Variants in TRPC4 observed in about 807,000 individuals in gnomAD.
The protein encoded by TRPC4 is transient receptor potential cation channel subfamily C member 4, also known as short transient receptor potential channel 4.
TRPC4 carries 49 observed loss-of-function variants against 99.4 expected under a neutral mutation model. That is an observed-to-expected ratio of 0.49 (90% CI 0.39 to 0.63). TRPC4 has a LOEUF of 0.63. Ranked by LOEUF, TRPC4 falls within the 20% of genes least tolerant of loss-of-function variation. The pLI, the probability that TRPC4 is intolerant of heterozygous loss-of-function variation, is 0.00. For missense variants in TRPC4, 898 were observed against 1,152.9 expected, an observed-to-expected ratio of 0.78 and a Z score of 3.20; for synonymous variants, 454 against 425.9, an observed-to-expected ratio of 1.07 and a Z score of -0.81.
intron 1 of TRPC4, among the ~76,000 whole-genome samples, chr13:37,847,234 T>C (rs1958931823): frequency 6.6e-6 from 1 of 152,078 alleles, no homozygotes; most frequent in African/African-American, 2.4e-5. Flanking sequence ...AGCAACAGGA[T>C]TCACATTCTT....
intron 1 of TRPC4, among the ~76,000 whole-genome samples, chr13:37,815,412 G>C (rs1349170925): frequency 6.6e-6 from 1 of 151,750 alleles, no homozygotes; most frequent in African/African-American, 2.4e-5. Context: ...TCTAAGTAAA[G>C]AGATGGAGAA....
At chr13:37,761,859 T>C (rs547740334) in intron 2 of TRPC4, among the ~76,000 whole-genome samples, 1 of 151,928 alleles carries the variant, frequency 6.6e-6, no homozygotes, top group African/African-American at 2.4e-5. Flanking sequence ...GCCGATTTTG[T>C]AAGTGTAGAT....
intron 1 of TRPC4, among the ~76,000 whole-genome samples, chr13:37,814,338 A>AG (rs1281642630): frequency 1.5e-5 from 2 of 136,646 alleles, no homozygotes; most frequent in African/African-American, 2.6e-5. Flanking sequence ...CAATTAGGTA[A>AG]GGGAAAAAAA....
intron 1 of TRPC4, among the ~76,000 whole-genome samples, chr13:37,842,039 G>A (rs1359792314): frequency 6.6e-6 from 1 of 152,032 alleles, no homozygotes; most frequent in Non-Finnish European, 1.5e-5. Flanking sequence ...GGAGGCCAAG[G>A]TGGGTGGATC....
Position 37,655,251 on chromosome 13 carries a change from G to T in TRPC4, c.1721C>A (p.Ser574Ter). 1 of 1,594,928 alleles carries T rather than the reference G, an allele frequency of 6.3e-7. No homozygotes were observed. The highest frequency in any genetic ancestry group is 1.1e-5 in the South Asian group (1 of 87,954). Residue 574 changes from serine (S) to a stop codon, truncating the protein, a stop_gained, in exon 7 of 11, where the codon TCA (serine) becomes TAA (stop). Coordinates refer to ENST00000379705, the MANE Select transcript of TRPC4 (RefSeq NM_016179.4). LOFTEE classifies it high-confidence loss of function. The stretch of plus-strand genomic sequence containing the variant: ...ATATAAATTGATGAGCCCAAATATT[G>T]ACCAAAACAGGGACTGCAGTGTCTC... ...LFETLQSLFW[S>*]IFGLINLYVT...
At chr13:37,853,252 AG>A (rs1193462903) in intron 1 of TRPC4, among the ~76,000 whole-genome samples, 2 of 152,206 alleles carry the variant, frequency 1.3e-5, no homozygotes, top group Admixed American at 6.5e-5. Context: ...GGGTCAGCCC[AG>A]AAAGAAAGAG....
chr13:37,863,906 T>C (rs1215819858), intron 1 of TRPC4, among the ~76,000 whole-genome samples: 2 of 151,700 alleles, frequency 1.3e-5, no homozygotes, highest in Non-Finnish European at 3.0e-5. Context: ...TCAGCACTAT[T>C]ATACTAATTC....
chr13:37,811,579 A>T (rs1957687562), intron 1 of TRPC4, among the ~76,000 whole-genome samples: 1 of 152,148 alleles, frequency 6.6e-6, no homozygotes, highest in South Asian at 2.1e-4. Flanking sequence ...AGAAGTGTGC[A>T]AAGGTTCAGA....
At chr13:37,678,489 G>A (rs1953131880) in intron 4 of TRPC4, among the ~76,000 whole-genome samples, 1 of 151,992 alleles carries the variant, frequency 6.6e-6, no homozygotes, top group Non-Finnish European at 1.5e-5. Flanking sequence ...ATACCTGGAT[G>A]CTCATACATT....
intron 2 of TRPC4, among the ~76,000 whole-genome samples, chr13:37,756,464 G>A (rs984002142): frequency 2.0e-5 from 3 of 151,764 alleles, no homozygotes; most frequent in Non-Finnish European, 2.9e-5. Flanking sequence ...TGGTGGATAA[G>A]AGAAAAGACT....
chr13:37,796,639 A>G (rs1957252817), intron 1 of TRPC4, among the ~76,000 whole-genome samples: 1 of 151,994 alleles, frequency 6.6e-6, no homozygotes, highest in African/African-American at 2.4e-5. Context: ...AAATATTAGT[A>G]CCTCAGATCT....
intron 1 of TRPC4, among the ~76,000 whole-genome samples, chr13:37,827,921 G>A (rs1343454544): frequency 6.6e-6 from 1 of 152,208 alleles, no homozygotes; most frequent in East Asian, 1.9e-4. Flanking sequence ...AGCAATCAGC[G>A]AGACTCCATG....
intron 2 of TRPC4, among the ~76,000 whole-genome samples, chr13:37,774,779 T>G (rs1227036406): frequency 6.6e-6 from 1 of 151,748 alleles, no homozygotes. Context: ...ATACTCATTT[T>G]GCCTGTAATC....
intron 4 of TRPC4, among the ~76,000 whole-genome samples, chr13:37,677,317 G>T (rs1953094368): frequency 6.6e-6 from 1 of 151,864 alleles, no homozygotes; most frequent in South Asian, 2.1e-4. Context: ...TAGCAATGGG[G>T]GTAGGTTTCC....
chr13:37,814,279 C>T (rs1400265597), intron 1 of TRPC4, among the ~76,000 whole-genome samples: 1 of 151,434 alleles, frequency 6.6e-6, no homozygotes, highest in Non-Finnish European at 1.5e-5. Flanking sequence ...ACAAAGATGC[C>T]CACTCTCACC....
At chr13:37,704,065 G>C (rs1954189222) in intron 3 of TRPC4, among the ~76,000 whole-genome samples, 1 of 152,036 alleles carries the variant, frequency 6.6e-6, no homozygotes, top group Non-Finnish European at 1.5e-5. Flanking sequence ...ATACACACAT[G>C]GTTGAATATT....
At chr13:37,646,379 T>G (rs558069668) in intron 8 of TRPC4, among the ~76,000 whole-genome samples, 3 of 152,296 alleles carry the variant, frequency 2.0e-5, no homozygotes, top group Middle Eastern at 3.4e-3. Context: ...TGGTTCGGTA[T>G]GGTAACATAT....
Position 37,848,138 on chromosome 13 carries a change from G to A in TRPC4, c.-28+21457C>T, listed in dbSNP as rs576530913. Among the ~76,000 whole-genome samples, 142 of 152,160 alleles carry A rather than the reference G, an allele frequency of 9.3e-4. No individual in the cohort carries two copies. The Middle Eastern group carries it at 0.014, about 15-fold the overall frequency. ...GGACATAAGCCCATCATAAGCTGAG[G>A]AGCATCTGTAATAGAGTACATTTCA... is the stretch of plus-strand genomic sequence containing the variant. On this transcript the variant is annotated intron_variant, in intron 1 of 10. Coordinates refer to ENST00000379705, the MANE Select transcript of TRPC4 (RefSeq NM_016179.4).
At chr13:37,846,799 A>G (rs1958917507) in intron 1 of TRPC4, among the ~76,000 whole-genome samples, 1 of 152,122 alleles carries the variant, frequency 6.6e-6, no homozygotes, top group South Asian at 2.1e-4. Context: ...AGATCCAACC[A>G]TATTTTCTTA....
Sources: allele counts gnomAD v4.1 joint callset (sites outside exome capture counted in the v4.1 genomes callset), GRCh38; gene constraint gnomAD v4.1.1; transcripts MANE v1.5; gene names NCBI Gene and HGNC (gene_info 2026-07-23, HGNC 2026-07-21).